Variants in PCDHGA6 observed in about 807,000 individuals in gnomAD.
PCDHGA6 encodes the protein protocadherin gamma-A6.
Under a neutral mutation model 60.6 loss-of-function variants are expected in PCDHGA6, and 41 were observed. The observed-to-expected ratio is 0.68, with a 90% CI of 0.53 to 0.88. PCDHGA6 has a LOEUF of 0.88. Among genes scored for constraint, PCDHGA6 ranks in the 40% least tolerant of loss-of-function variants. The pLI, the probability that PCDHGA6 is intolerant of heterozygous loss-of-function variation, is 0.00. For missense variants in PCDHGA6, 1,312 were observed against 1,203.0 expected, an observed-to-expected ratio of 1.09 and a Z score of -1.34; for synonymous variants, 594 against 524.4, an observed-to-expected ratio of 1.13 and a Z score of -1.81.
intron 1 of PCDHGA6, among the ~76,000 whole-genome samples, chr5:141,382,211 G>A (rs1778048764): frequency 6.6e-6 from 1 of 152,054 alleles, no homozygotes; most frequent in African/African-American, 2.4e-5. Flanking sequence ...ATTAAAATAG[G>A]TCTATATATT....
chr5:141,443,118 C>A (rs1474257262), intron 1 of PCDHGA6, among the ~76,000 whole-genome samples: 1 of 151,762 alleles, frequency 6.6e-6, no homozygotes, highest in Non-Finnish European at 1.5e-5. Flanking sequence ...GCTTTTCAAA[C>A]CAGATTAAGA....
intron 1 of PCDHGA6, chr5:141,384,091 A>G: frequency 3.1e-6 from 5 of 1,595,856 alleles, no homozygotes; most frequent in South Asian, 1.1e-5. Flanking sequence ...AGAAAAATCA[A>G]TAGATAATTA....
At position 141,430,895 on chromosome 5, in the gene PCDHGA6, G is replaced by A. The variant is rs775296800; in HGVS notation, c.2424+54388G>A. 6.9e-6 allele frequency: 11 copies of A among 1,605,692 alleles called. No individual in the cohort carries two copies. The Admixed American group carries it at 1.0e-4, about 15-fold the overall frequency. ...AGAGCTGGAGAAAGGCTCTAGGGTG[G>A]GCGACATCTCCAGGGACCTGGGGCT... On this transcript the variant is annotated intron_variant, in intron 1 of 3. Coordinates refer to ENST00000517434, the MANE Select transcript of PCDHGA6 (RefSeq NM_018919.3).
intron 1 of PCDHGA6, chr5:141,390,193 A>G (rs1189352664): frequency 6.2e-7 from 1 of 1,614,060 alleles, no homozygotes; most frequent in African/African-American, 1.3e-5. Context: ...TGTAGTGAGC[A>G]GTTGAGTTCA....
At chr5:141,376,676 G>GTTTTTTTTTTTTTTTTTTTTTTTTT in intron 1 of PCDHGA6, 169 bp downstream of exon 1, 1 of 275,812 alleles carries the variant, frequency 3.6e-6, no homozygotes, top group Non-Finnish European at 6.2e-6. Context: ...TGAGGGTATC[G>GTTTTTTTTTTTTTTTTTTTTTTTTT]TTTTTTTTTT....
chr5:141,433,115 G>T, intron 1 of PCDHGA6: 1 of 1,613,762 alleles, frequency 6.2e-7, no homozygotes, highest in Non-Finnish European at 8.5e-7. Context: ...GGAGAGCTTT[G>T]AAAAAAGCGA....
In PCDHGA6 at chr5:141,374,411, G is replaced by T; in HGVS notation, c.328G>T (p.Val110Phe). The change falls in exon 1 of 4, where the codon GTC becomes TTC. Residue 110 changes from valine (V) to phenylalanine (F), a missense_variant. Transcript: ENST00000517434. ...GTGTCTGGTGAGTTTTAACATCCTT[G>T]TCGAGGATAAACTGAATCTTTATCC... ...PRCLVSFNILVEDKLNLYPVE... is the reference protein window; with the variant it reads ...PRCLVSFNILFEDKLNLYPVE... 1 of 1,614,036 alleles carries T rather than the reference G, an allele frequency of 6.2e-7. No homozygotes were observed.
chr5:141,495,010 G>A (rs1327870362), intron 2 of PCDHGA6, 145 bp downstream of exon 2: 6 of 1,516,970 alleles, frequency 4.0e-6, no homozygotes, highest in Non-Finnish European at 5.3e-6. Context: ...GTGTGCGGGG[G>A]GCTGGCACAC....
chr5:141,488,677 G>A (rs2099678276), intron 1 of PCDHGA6, among the ~76,000 whole-genome samples: 2 of 152,184 alleles, frequency 1.3e-5, no homozygotes, highest in African/African-American at 2.4e-5. Context: ...CATGGGCTTT[G>A]CCTCTCCCAG....
intron 1 of PCDHGA6, chr5:141,413,423 C>A (rs770419729): frequency 6.2e-7 from 1 of 1,614,078 alleles, no homozygotes; most frequent in Non-Finnish European, 8.5e-7. Flanking sequence ...TCTCTGAACC[C>A]GCGCAGCGGC....
rs778246278 is a variant in PCDHGA6 at position 141,491,522 on chromosome 5, A to C, written c.2425-3285A>C. The C allele has an allele frequency of 6.2e-6, 10 of 1,614,024 alleles. No individual in the cohort carries two copies. The highest frequency in any genetic ancestry group is 8.5e-6 in the Non-Finnish European group (10 of 1,180,002). ...TCGGACGGCACGCTCAAGTACATGGAGGTGACGCTGCGGCCCACAGACTCG... is the reference window on the plus strand; with the variant it reads ...TCGGACGGCACGCTCAAGTACATGGCGGTGACGCTGCGGCCCACAGACTCG... On this transcript the variant is annotated intron_variant, in intron 1 of 3. Coordinates refer to ENST00000517434, the MANE Select transcript of PCDHGA6 (RefSeq NM_018919.3). The surrounding 1 kb of genome is among the most constrained non-coding windows in gnomAD (Gnocchi z 6.9).
At position 141,486,634 on chromosome 5, in the gene PCDHGA6, T is replaced by C; in HGVS notation, c.2425-8173T>C. 1 of 1,613,762 alleles carries C rather than the reference T, an allele frequency of 6.2e-7. No individual in the cohort carries two copies. The highest frequency in any genetic ancestry group is 8.5e-7 in the Non-Finnish European group (1 of 1,180,044). ...CCTCTGACCCAGACTCTGGCTTGAA[T>C]GCGCTTATCTCCTACTCACTCCTGG... On this transcript the variant is annotated intron_variant, in intron 1 of 3. Coordinates refer to ENST00000517434, the MANE Select transcript of PCDHGA6 (RefSeq NM_018919.3). The surrounding 1 kb of genome is among the most constrained non-coding windows in gnomAD (Gnocchi z 5.0).
intron 1 of PCDHGA6, chr5:141,412,667 AC>A (rs1385712050): frequency 6.6e-6 from 1 of 152,284 alleles, no homozygotes; most frequent in Non-Finnish European, 1.5e-5. Flanking sequence ...CACTAATATG[AC>A]CTAAAATAAG....
Position 141,485,227 on chromosome 5 carries a change from G to T in PCDHGA6, c.2425-9580G>T. Reference sequence around the variant, plus strand: ...AAATCTGGCGGTGGGCTACCCTTTTGTTCCTCTTTTACCACCTGGGTTACG... The same window carrying T: ...AAATCTGGCGGTGGGCTACCCTTTTTTTCCTCTTTTACCACCTGGGTTACG... On this transcript the variant is annotated intron_variant, in intron 1 of 3. Transcript: ENST00000517434. The surrounding 1 kb of genome is among the most constrained non-coding windows in gnomAD (Gnocchi z 5.7). The T allele has an allele frequency of 6.2e-7, 1 of 1,614,186 alleles. No individual in the cohort carries two copies. Among genetic ancestry groups the T allele is most frequent in the Non-Finnish European group, 8.5e-7 (1 of 1,180,020 alleles).
Position 141,476,162 on chromosome 5 carries a change from G to A in PCDHGA6, c.2425-18645G>A. 6.2e-7 allele frequency: 1 copy of A among 1,613,038 alleles called. No homozygotes were observed. Among genetic ancestry groups the A allele is most frequent in the South Asian group, 1.1e-5 (1 of 91,040 alleles). Reference sequence around the variant, plus strand: ...GAGCGGACTGGTAAGCACCGGGAGGGTAGTGGGAGTTTTGCTTCTGCTTGG... The same window carrying A: ...GAGCGGACTGGTAAGCACCGGGAGGATAGTGGGAGTTTTGCTTCTGCTTGG... On this transcript the variant is annotated intron_variant, in intron 1 of 3. Coordinates refer to ENST00000517434, the MANE Select transcript of PCDHGA6 (RefSeq NM_018919.3). The surrounding 1 kb of genome is among the most constrained non-coding windows in gnomAD (Gnocchi z 7.6).
chr5:141,466,494 G>C (rs1186331329), intron 1 of PCDHGA6, among the ~76,000 whole-genome samples: 4 of 152,134 alleles, frequency 2.6e-5, no homozygotes. Context: ...TCTTTAATTA[G>C]AGCACAGACA....
chr5:141,393,553 A>T (rs377510269), intron 1 of PCDHGA6: 1 of 1,613,928 alleles, frequency 6.2e-7, no homozygotes, highest in African/African-American at 1.3e-5. Context: ...CACCCGATTT[A>T]CCGAGTGAAA....
At chr5:141,468,403 A>C (rs2099166784) in intron 1 of PCDHGA6, 1 of 152,088 alleles carries the variant, frequency 6.6e-6, no homozygotes, top group African/African-American at 2.4e-5. Flanking sequence ...GGTGAGAACT[A>C]ATAATAAGTT....
chr5:141,407,924 C>T, intron 1 of PCDHGA6: 2 of 482,212 alleles, frequency 4.1e-6, no homozygotes, highest in Non-Finnish European at 3.6e-6. Flanking sequence ...CTGTCCCGCA[C>T]GGAGCCTCTG....
Sources: allele counts gnomAD v4.1 joint callset (sites outside exome capture counted in the v4.1 genomes callset), GRCh38; gene constraint gnomAD v4.1.1; non-coding constraint Gnocchi (gnomAD v3.1); transcripts MANE v1.5; gene names NCBI Gene and HGNC (gene_info 2026-07-23, HGNC 2026-07-21).